Variants in BCAS3 observed in about 807,000 individuals in gnomAD.
BCAS3 encodes the protein BCAS3 microtubule associated cell migration factor.
BCAS3 carries 53 observed loss-of-function variants against 116.1 expected under a neutral mutation model. The ratio of observed to expected loss-of-function variants is 0.46; its 90% CI spans 0.37 to 0.57. The LOEUF is 0.57. BCAS3 is among the 20% of genes least tolerant of loss of function. The pLI, the probability that BCAS3 is intolerant of heterozygous loss-of-function variation, is 0.00. For synonymous variants in BCAS3, 391 were observed against 408.2 expected (o/e 0.96, Z 0.51); for missense variants, 917 against 1,165.4 (o/e 0.79, Z 3.10).
Position 61,219,909 on chromosome 17 carries a change from G to C in BCAS3, c.2425+135345G>C, listed in dbSNP as rs1006550201. Among the ~76,000 whole-genome samples the C allele has an allele frequency of 9.2e-5, 14 of 152,166 alleles. No homozygotes were observed. Among genetic ancestry groups the C allele is most frequent in the Non-Finnish European group, 1.5e-4 (10 of 68,038 alleles). ...GTAGGAAAAACAAGGCAGGTTATGG[G>C]GGGAGAGGAGTAGGGCAAGAAAGAG... On this transcript the variant is annotated intron_variant, in intron 22 of 23. Coordinates refer to ENST00000407086, the MANE Select transcript of BCAS3 (RefSeq NM_017679.5). This position sits in a 1 kb window ranked among gnomAD's most constrained non-coding sequence, Gnocchi z 5.2.
chr17:61,380,421 G>C lies in BCAS3; in HGVS notation c.2594-11556G>C. 16 of 1,312,686 alleles carry C rather than the reference G, an allele frequency of 1.2e-5. No individual in the cohort carries two copies. Among genetic ancestry groups the C allele is most frequent in the Non-Finnish European group, 1.7e-5 (16 of 937,534 alleles). 81.3% of individuals were successfully genotyped at this position (1,312,686 alleles called of 1,614,324 possible). Reference sequence around the variant, plus strand: ...AGTGGTCAAACCAGATTTGGGTATCGACTCACTTTGATCTCAGCTCTTCCT... The same window carrying C: ...AGTGGTCAAACCAGATTTGGGTATCCACTCACTTTGATCTCAGCTCTTCCT... On this transcript the variant is annotated intron_variant, in intron 23 of 23. Coordinates refer to ENST00000407086, the MANE Select transcript of BCAS3 (RefSeq NM_017679.5). The surrounding 1 kb of genome is among the most constrained non-coding windows in gnomAD (Gnocchi z 4.2).
At chr17:61,109,738 C>T (rs2074932362) in intron 22 of BCAS3, among the ~76,000 whole-genome samples, 1 of 152,158 alleles carries the variant, frequency 6.6e-6, no homozygotes, top group African/African-American at 2.4e-5. Flanking sequence ...TGTATATCTT[C>T]TTTTGAGAAT....
At chr17:61,297,162 G>T (rs1204707374) in intron 22 of BCAS3, among the ~76,000 whole-genome samples, 1 of 152,158 alleles carries the variant, frequency 6.6e-6, no homozygotes, top group Non-Finnish European at 1.5e-5. Context: ...AGGAAATTCA[G>T]GGGCTCCATG....
chr17:60,954,114 A>T lies in BCAS3; in HGVS notation c.1221+6762A>T, dbSNP rs562805929. 8.5e-5 allele frequency among the ~76,000 whole-genome samples: 13 copies of T among 152,250 alleles called. No homozygotes were observed. The South Asian group carries it at 2.7e-3, about 32-fold the overall frequency. ...GTTACCCGAGAACCATTTATTGAAT[A>T]GGGAGTCCTTTCCCCATTGCTTGTT... On this transcript the variant is annotated intron_variant, in intron 14 of 23. Transcript: ENST00000407086.
At chr17:61,321,929 T>TG (rs1167950438) in intron 22 of BCAS3, among the ~76,000 whole-genome samples, 6 of 150,420 alleles carry the variant, frequency 4.0e-5, no homozygotes, top group African/African-American at 1.5e-4. Context: ...GTTTTTTGTT[T>TG]GTTTGTTTGT....
At chr17:61,374,957 C>G (rs2059259465) in intron 23 of BCAS3, among the ~76,000 whole-genome samples, 1 of 152,210 alleles carries the variant, frequency 6.6e-6, no homozygotes, top group Non-Finnish European at 1.5e-5. Flanking sequence ...CACCTAAATC[C>G]TCTGAGTTTT....
intron 22 of BCAS3, chr17:61,086,974 A>T (rs976523877): frequency 1.0e-6 from 1 of 985,424 alleles, no homozygotes; most frequent in Admixed American, 6.1e-5. Flanking sequence ...ATTACTTTCT[A>T]CATCTGTGGA....
chr17:61,108,502 G>GT (rs908300976), intron 22 of BCAS3, among the ~76,000 whole-genome samples: 2 of 148,054 alleles, frequency 1.4e-5, no homozygotes, highest in Non-Finnish European at 3.0e-5. Flanking sequence ...TTCTTTCTCT[G>GT]TTTTTTTGTT....
intron 14 of BCAS3, among the ~76,000 whole-genome samples, chr17:60,982,019 G>A (rs953555811): frequency 1.3e-5 from 2 of 152,048 alleles, no homozygotes; most frequent in Admixed American, 6.6e-5. Flanking sequence ...ATATGTGTAT[G>A]CACAAATGTG....
In BCAS3 at chr17:61,348,746, C is replaced by A. The variant is rs1277793016; in HGVS notation, c.2426-19581C>A. 1.5e-5 allele frequency among the ~76,000 whole-genome samples: 2 copies of A among 136,622 alleles called. No individual in the cohort carries two copies. The highest frequency in any genetic ancestry group is 3.1e-5 in the Non-Finnish European group (2 of 64,862). The allele number at this position is 136,622 out of a possible 152,430, so 89.6% of individuals were successfully genotyped here. Reference sequence around the variant, plus strand: ...CACGTGCTTCTTGCAACCTCTTGGGCAGAGATTCTTTTTTTTTTTTTTTTG... The same window carrying A: ...CACGTGCTTCTTGCAACCTCTTGGGAAGAGATTCTTTTTTTTTTTTTTTTG... On this transcript the variant is annotated intron_variant, in intron 22 of 23. Transcript: ENST00000407086. This position sits in a 1 kb window ranked among gnomAD's most constrained non-coding sequence, Gnocchi z 4.5.
Position 61,007,830 on chromosome 17 carries a change from C to A in BCAS3, c.1487-7921C>A, listed in dbSNP as rs898712099. On this transcript the variant is annotated intron_variant, in intron 15 of 23. Coordinates refer to ENST00000407086, the MANE Select transcript of BCAS3 (RefSeq NM_017679.5). This position sits in a 1 kb window ranked among gnomAD's most constrained non-coding sequence, Gnocchi z 4.3. ...ACAGTAATGTCTATGGTGACGTGAACTTTTTACTCAAAGAAAGCAACAAGT... is the reference window on the plus strand; with the variant it reads ...ACAGTAATGTCTATGGTGACGTGAAATTTTTACTCAAAGAAAGCAACAAGT... Among the ~76,000 whole-genome samples the A allele has an allele frequency of 6.6e-6, 1 of 152,012 alleles. No homozygotes were observed. The highest frequency in any genetic ancestry group is 2.1e-4 in the South Asian group (1 of 4,824).
chr17:61,168,842 A>G (rs978625190), intron 22 of BCAS3, among the ~76,000 whole-genome samples: 1 of 152,182 alleles, frequency 6.6e-6, no homozygotes, highest in Admixed American at 6.5e-5. Flanking sequence ...GTTCACCTCA[A>G]ATGTGTCCTA....
Position 60,947,365 on chromosome 17 carries a change from A to C in BCAS3, c.1221+13A>C, listed in dbSNP as rs749833614. 86 of 1,609,664 alleles carry C rather than the reference A, an allele frequency of 5.3e-5. No individual in the cohort carries two copies. The highest frequency in any genetic ancestry group is 7.0e-5 in the Non-Finnish European group (83 of 1,177,516). The stretch of plus-strand genomic sequence containing the variant: ...AACTGAAGCCAAAGTAAGCTGTATA[A>C]TTTTTCAGAAGGCGATTTCTTGGTG... On this transcript the variant is annotated intron_variant, in intron 14 of 23. Transcript: ENST00000407086.
intron 8 of BCAS3, among the ~76,000 whole-genome samples, chr17:60,870,596 A>G (rs1249118429): frequency 6.6e-6 from 1 of 152,216 alleles, no homozygotes; most frequent in African/African-American, 2.4e-5. Flanking sequence ...CAGAACACTT[A>G]TCGCTCCTCC....
At chr17:60,711,535 T>C (rs1419589464) in intron 5 of BCAS3, among the ~76,000 whole-genome samples, 1 of 152,192 alleles carries the variant, frequency 6.6e-6, no homozygotes, top group East Asian at 1.9e-4. Context: ...TTGACTGGAT[T>C]GAACACATTC....
intron 22 of BCAS3, among the ~76,000 whole-genome samples, chr17:61,257,064 T>C (rs927522725): frequency 1.3e-5 from 2 of 152,126 alleles, no homozygotes. Flanking sequence ...TTGCGATCGG[T>C]GTTGTCATGT....
chr17:60,834,229 A>G (rs987268970), intron 7 of BCAS3, among the ~76,000 whole-genome samples: 1 of 152,074 alleles, frequency 6.6e-6, no homozygotes, highest in Non-Finnish European at 1.5e-5. Flanking sequence ...GTATTAATTT[A>G]GAACAGGATA....
rs988172378 is a variant in BCAS3 at position 60,960,988 on chromosome 17, C to T, written c.1221+13636C>T. 3.9e-5 allele frequency among the ~76,000 whole-genome samples: 6 copies of T among 151,960 alleles called. No homozygotes were observed. Among genetic ancestry groups the T allele is most frequent in the African/African-American group, 1.4e-4 (6 of 41,380 alleles). On this transcript the variant is annotated intron_variant, in intron 14 of 23. Transcript: ENST00000407086. The surrounding 1 kb of genome is among the most constrained non-coding windows in gnomAD (Gnocchi z 4.1). ...ATTGAGTGGATCCATGAAACACATG[C>T]CTGATGTCTTCAGCAGAATGTTGTC... is the stretch of plus-strand genomic sequence containing the variant.
At chr17:61,287,345 T>G (rs539918809) in intron 22 of BCAS3, among the ~76,000 whole-genome samples, 6 of 151,884 alleles carry the variant, frequency 4.0e-5, no homozygotes, top group Non-Finnish European at 5.9e-5. Flanking sequence ...AAGCCTGCGG[T>G]AGGGGCTGTC....
Sources: gnomAD v4.1 joint callset for allele counts (sites outside exome capture counted in the v4.1 genomes callset) on GRCh38, gnomAD v4.1.1 for gene constraint, Gnocchi (gnomAD v3.1) non-coding constraint, MANE v1.5 for transcripts, NCBI Gene and HGNC (gene_info 2026-07-23, HGNC 2026-07-21) for gene names.